MTUS2: variants seen among roughly 807,000 people sequenced by gnomAD.
MTUS2 encodes the protein microtubule-associated tumor suppressor candidate 2.
MTUS2 carries 40 observed loss-of-function variants against 114.1 expected under a neutral mutation model. The ratio of observed to expected loss-of-function variants is 0.35; its 90% confidence interval spans 0.27 to 0.46. The LOEUF is 0.46. MTUS2 is among the 20% of genes least tolerant of loss of function. The pLI, the probability that MTUS2 is intolerant of heterozygous loss-of-function variation, is 1.00. For synonymous variants in MTUS2, 688 were observed against 672.0 expected (o/e 1.02, Z -0.37); for missense variants, 1,679 against 1,705.4 (o/e 0.98, Z 0.27).
intron 2 of MTUS2, among the ~76,000 whole-genome samples, chr13:28,986,680 G>A (rs539851612): frequency 6.6e-6 from 1 of 152,300 alleles, no homozygotes; most frequent in South Asian, 2.1e-4. Context: ...AGCTGGAACA[G>A]CTTGGTATTA....
At chr13:29,335,982 A>G (rs1253216858) in intron 7 of MTUS2, among the ~76,000 whole-genome samples, 2 of 152,190 alleles carry the variant, frequency 1.3e-5, no homozygotes, top group Non-Finnish European at 2.9e-5. Flanking sequence ...GGATTTGGCT[A>G]TTGAAACTTG....
At chr13:29,092,685 C>T (rs1161231786) in intron 4 of MTUS2, among the ~76,000 whole-genome samples, 1 of 152,128 alleles carries the variant, frequency 6.6e-6, no homozygotes, top group Non-Finnish European at 1.5e-5. Context: ...GTGGATGGGG[C>T]ACCTTCTGCA....
intron 5 of MTUS2, among the ~76,000 whole-genome samples, chr13:29,218,268 G>A (rs188503237): frequency 3.7e-4 from 44 of 117,436 alleles, no homozygotes; most frequent in African/African-American, 1.2e-3. Flanking sequence ...ATCTGTTTAT[G>A]TTGTATCATA....
intron 4 of MTUS2, among the ~76,000 whole-genome samples, chr13:29,093,014 C>G (rs1352456299): frequency 1.3e-5 from 2 of 152,156 alleles, no homozygotes; most frequent in African/African-American, 4.8e-5. Flanking sequence ...CACCCTCACT[C>G]CTGTCCCACT....
intron 6 of MTUS2, among the ~76,000 whole-genome samples, chr13:29,308,912 T>A (rs1357087781): frequency 7.4e-6 from 1 of 135,758 alleles, no homozygotes; most frequent in Non-Finnish European, 1.5e-5. Flanking sequence ...CAGGTGCTGG[T>A]GAGGTTGTGG....
intron 5 of MTUS2, among the ~76,000 whole-genome samples, chr13:29,263,518 A>AG (rs995206055): frequency 2.0e-5 from 3 of 152,200 alleles, no homozygotes; most frequent in African/African-American, 4.8e-5. Flanking sequence ...TAATAAAGAA[A>AG]GGGGGTTTAA....
intron 4 of MTUS2, among the ~76,000 whole-genome samples, chr13:29,068,639 G>T (rs1239369405): frequency 6.6e-6 from 1 of 152,164 alleles, no homozygotes; most frequent in African/African-American, 2.4e-5. Flanking sequence ...TCAACCCCCA[G>T]TTGAAGTCCA....
At chr13:28,946,809 C>A (rs550312878) in intron 2 of MTUS2, among the ~76,000 whole-genome samples, 1 of 152,156 alleles carries the variant, frequency 6.6e-6, no homozygotes, top group Non-Finnish European at 1.5e-5. Flanking sequence ...CTTGGCCCCC[C>A]AAACTGCTTG....
intron 12 of MTUS2, 29 bp from the exon 13 acceptor site, chr13:29,497,209 A>G (rs1201528188): frequency 6.2e-7 from 1 of 1,602,678 alleles, no homozygotes; most frequent in Admixed American, 1.7e-5. Context: ...TAGTGGCCCC[A>G]GCTGGACTCC....
intron 8 of MTUS2, among the ~76,000 whole-genome samples, chr13:29,427,153 A>G (rs1876602101): frequency 1.3e-5 from 2 of 152,184 alleles, no homozygotes; most frequent in Admixed American, 1.3e-4. Context: ...TAAAACAGTA[A>G]AAATAAAACA....
intron 5 of MTUS2, among the ~76,000 whole-genome samples, chr13:29,115,194 T>C (rs2138879573): frequency 7.8e-6 from 1 of 128,904 alleles, no homozygotes. Flanking sequence ...GCCATGAATA[T>C]GTCTAGTCTG....
intron 8 of MTUS2, among the ~76,000 whole-genome samples, chr13:29,421,056 C>G (rs1034199369): frequency 3.3e-5 from 5 of 152,038 alleles, no homozygotes; most frequent in Admixed American, 6.5e-5. Context: ...TTTCTCTCTT[C>G]TTTTTTCTCT....
At chr13:29,227,554 C>G (rs1333748084) in intron 5 of MTUS2, among the ~76,000 whole-genome samples, 1 of 152,180 alleles carries the variant, frequency 6.6e-6, no homozygotes, top group Non-Finnish European at 1.5e-5. Flanking sequence ...AAGACAGCTT[C>G]CATACCATCA....
At chr13:29,330,147 C>T (rs1443353873) in intron 7 of MTUS2, among the ~76,000 whole-genome samples, 1 of 152,100 alleles carries the variant, frequency 6.6e-6, no homozygotes, top group Non-Finnish European at 1.5e-5. Flanking sequence ...ATTCTAACTG[C>T]TGTGAGATGG....
intron 5 of MTUS2, among the ~76,000 whole-genome samples, chr13:29,148,977 A>T (rs1892558531): frequency 6.6e-6 from 1 of 152,168 alleles, no homozygotes; most frequent in African/African-American, 2.4e-5. Context: ...ATTTTGAATA[A>T]TGCTGTAGTA....
intron 5 of MTUS2, among the ~76,000 whole-genome samples, chr13:29,219,885 C>T (rs1454867264): frequency 6.6e-6 from 1 of 152,110 alleles, no homozygotes; most frequent in Non-Finnish European, 1.5e-5. Context: ...TATGGTTTGG[C>T]TTAAGGGAAT....
chr13:29,109,685 A>T (rs1890806996), intron 5 of MTUS2, among the ~76,000 whole-genome samples: 1 of 152,204 alleles, frequency 6.6e-6, no homozygotes, highest in Admixed American at 6.5e-5. Context: ...AGATGGAATT[A>T]ATATCTGCAA....
At chr13:28,905,597 A>G (rs1879948637) in intron 2 of MTUS2, among the ~76,000 whole-genome samples, 1 of 151,554 alleles carries the variant, frequency 6.6e-6, no homozygotes, top group Admixed American at 6.6e-5. Context: ...CATCCCAGGG[A>G]TGAAGCCCAC....
chr13:29,339,292 GCTT>G (rs1341635786), intron 7 of MTUS2, among the ~76,000 whole-genome samples: 2 of 152,184 alleles, frequency 1.3e-5, no homozygotes, highest in South Asian at 2.1e-4. Flanking sequence ...GAGAGTGGAG[GCTT>G]CTTCTGAGCG....
Sources: gnomAD v4.1 joint callset for allele counts (sites outside exome capture counted in the v4.1 genomes callset) on GRCh38, gnomAD v4.1.1 for gene constraint, MANE v1.5 for transcripts, NCBI Gene and HGNC (gene_info 2026-07-23, HGNC 2026-07-21) for gene names.